KATNIP: variants seen among roughly 807,000 people sequenced by gnomAD.
KATNIP encodes the protein katanin-interacting protein.
Under a neutral mutation model 174.0 loss-of-function variants are expected in KATNIP, and 126 were observed. That is an observed-to-expected ratio of 0.72 (90% CI 0.63 to 0.84). The LOEUF is 0.84. Among genes scored for constraint, KATNIP ranks in the 40% least tolerant of loss-of-function variants. The probability of loss-of-function intolerance (pLI) is 0.00; values close to 1 mark genes in which losing one functional copy is unlikely to be tolerated. For synonymous variants in KATNIP, 810 were observed against 835.7 expected (o/e 0.97, Z 0.53); for missense variants, 1,958 against 2,109.7 (o/e 0.93, Z 1.41).
chr16:27,601,702 A>T (rs1028446947), intron 2 of KATNIP, among the ~76,000 whole-genome samples: 1 of 152,068 alleles, frequency 6.6e-6, no homozygotes, highest in Non-Finnish European at 1.5e-5. Flanking sequence ...GCGAGGCCAG[A>T]TTACACTTGT....
chr16:27,753,118 G>A (rs769114150), intron 17 of KATNIP, among the ~76,000 whole-genome samples: 4 of 152,148 alleles, frequency 2.6e-5, no homozygotes, highest in Non-Finnish European at 5.9e-5. Flanking sequence ...GGCACAGGCA[G>A]CTGGGGAGTG....
intron 10 of KATNIP, among the ~76,000 whole-genome samples, chr16:27,701,218 C>T (rs544701942): frequency 2.2e-4 from 33 of 152,094 alleles, no homozygotes; most frequent in African/African-American, 8.0e-4. Flanking sequence ...AGTGCAGTGG[C>T]ATGACCATAG....
intron 2 of KATNIP, among the ~76,000 whole-genome samples, chr16:27,586,615 G>T: frequency 6.6e-6 from 1 of 151,960 alleles, no homozygotes. Flanking sequence ...GATCACTTGA[G>T]CCCAGGAGTT....
rs564676521 is a variant in KATNIP, at chr16:27,741,700, C to T, written c.2623+780C>T. On this transcript the variant is annotated intron_variant, in intron 15 of 27. Coordinates refer to ENST00000261588, the MANE Select transcript of KATNIP (RefSeq NM_015202.5). ...GGCAGATAACCTGAGGCCAGGAGTT[C>T]GAGACCAGCCTGGCCAACATGGTAA... 8.3e-3 allele frequency among the ~76,000 whole-genome samples: 1,268 copies of T among 152,222 alleles called. 5 individuals are homozygous for T. The highest frequency in any genetic ancestry group is 0.013 in the Non-Finnish European group (868 of 68,010).
rs886280954 is a variant in KATNIP at position 27,698,426 on chromosome 16, A to G, written c.1039A>G (p.Ile347Val). 3 of 1,613,578 alleles carry G rather than the reference A, an allele frequency of 1.9e-6. No homozygotes were observed. In the African/African-American group the frequency reaches 4.0e-5, roughly 22 times the overall value. ...EEDASAVLQA[I>V]QVENAALQRA... ...AGATGCCTCTGCTGTGCTCCAAGCC[A>G]TCCAGGTGGAGAACGCAGCCCTGCA... Residue 347 changes from isoleucine (I) to valine (V), a missense_variant, in exon 9 of 28, where the codon ATC becomes GTC. Physicochemically the swap from Ile to Val is conservative, Grantham distance 29 (BLOSUM62 3). Transcript: ENST00000261588.
At chr16:27,640,601 C>T (rs1215066924) in intron 5 of KATNIP, among the ~76,000 whole-genome samples, 1 of 152,142 alleles carries the variant, frequency 6.6e-6, no homozygotes, top group East Asian at 1.9e-4. Context: ...TTAATTTTGT[C>T]ACATGTTGCT....
chr16:27,587,311 C>T (rs1274761530), intron 2 of KATNIP, among the ~76,000 whole-genome samples: 1 of 152,198 alleles, frequency 6.6e-6, no homozygotes, highest in Non-Finnish European at 1.5e-5. Context: ...CACCGTGTTC[C>T]ATCAGCTGGA....
At position 27,740,831 on chromosome 16, in the gene KATNIP, C is replaced by A. The variant is rs552731889; in HGVS notation, c.2534C>A (p.Pro845His). ...GACTCAGACATCTTTAACCAGCCCC[C>A]CAACAGAGAGCGCCCTGCTAGTGGG... ...SDDSDIFNQP[P>H]NRERPASGRR... is the part of the protein sequence containing the mutation. Residue 845 changes from proline (P) to histidine (H), a missense_variant, in exon 15 of 28, where the codon CCC (proline) becomes CAC (histidine). By Grantham distance (77) the Pro-to-His change is moderately conservative. This residue lies in a region of KATNIP where 1,557 missense variants were observed against 1,617.8 expected (regional missense o/e 0.96). Coordinates refer to ENST00000261588, the MANE Select transcript of KATNIP (RefSeq NM_015202.5). The A allele has an allele frequency of 2.5e-6, 4 of 1,613,690 alleles. No homozygotes were observed. The highest frequency in any genetic ancestry group is 1.7e-5 in the Admixed American group (1 of 59,956).
chr16:27,753,449 G>T (rs1321789185), intron 17 of KATNIP, among the ~76,000 whole-genome samples: 3 of 152,150 alleles, frequency 2.0e-5, no homozygotes, highest in Non-Finnish European at 4.4e-5. Context: ...GGGCTGGGGG[G>T]ATCACTCTCT....
chr16:27,553,780 G>C (rs1318823588), intron 1 of KATNIP, among the ~76,000 whole-genome samples: 1 of 152,092 alleles, frequency 6.6e-6, no homozygotes, highest in Non-Finnish European at 1.5e-5. Context: ...AGACCAGCCT[G>C]GGCAACTTAG....
At chr16:27,629,279 G>A (rs950120486) in intron 4 of KATNIP, among the ~76,000 whole-genome samples, 1 of 152,004 alleles carries the variant, frequency 6.6e-6, no homozygotes, top group East Asian at 1.9e-4. Flanking sequence ...ATGAGAAAGA[G>A]AAATCCTGTT....
intron 1 of KATNIP, among the ~76,000 whole-genome samples, chr16:27,565,718 A>C (rs2090060883): frequency 6.6e-6 from 1 of 151,640 alleles, no homozygotes; most frequent in Admixed American, 6.6e-5. Context: ...CAGGAGTTTG[A>C]GACTGCAGTG....
At chr16:27,683,310 A>G (rs550790733) in intron 8 of KATNIP, among the ~76,000 whole-genome samples, 4 of 152,304 alleles carry the variant, frequency 2.6e-5, no homozygotes, top group African/African-American at 9.6e-5. Context: ...CCTTCAAAGT[A>G]CCACAATCAG....
intron 5 of KATNIP, among the ~76,000 whole-genome samples, chr16:27,643,590 C>CAAA (rs562253355): frequency 0.097 from 3,937 of 40,424 alleles, 1,204 homozygotes; most frequent in African/African-American, 0.16. Flanking sequence ...GACTCTGTCT[C>CAAA]AAAAAAAAAA....
intron 6 of KATNIP, among the ~76,000 whole-genome samples, chr16:27,651,449 C>T (rs954943840): frequency 4.0e-5 from 6 of 151,502 alleles, no homozygotes; most frequent in South Asian, 2.1e-4. Flanking sequence ...AAAAAAGGCA[C>T]GTGGCTAAAT....
intron 2 of KATNIP, among the ~76,000 whole-genome samples, chr16:27,588,425 C>T (rs372106546): frequency 6.6e-6 from 1 of 152,012 alleles, no homozygotes; most frequent in Admixed American, 6.6e-5. Flanking sequence ...CACATGTCCC[C>T]TCCCAGTTAA....
intron 1 of KATNIP, among the ~76,000 whole-genome samples, chr16:27,559,922 A>C (rs918852576): frequency 6.6e-6 from 1 of 152,118 alleles, no homozygotes; most frequent in Non-Finnish European, 1.5e-5. Context: ...CAAAGGTTGC[A>C]GTGAGCCTAG....
chr16:27,552,851 C>T (rs1179987601), intron 1 of KATNIP, among the ~76,000 whole-genome samples: 2 of 152,056 alleles, frequency 1.3e-5, no homozygotes, highest in Non-Finnish European at 2.9e-5. Context: ...TGTGCCACCA[C>T]GCTCAGCTAA....
intron 6 of KATNIP, among the ~76,000 whole-genome samples, chr16:27,654,391 A>C (rs572507710): frequency 2.0e-5 from 3 of 152,134 alleles, no homozygotes; most frequent in Non-Finnish European, 2.9e-5. Context: ...TGGTGGCCTG[A>C]GTTTGGATCC....
Sources: gnomAD v4.1 joint callset for allele counts (sites outside exome capture counted in the v4.1 genomes callset) on GRCh38, gnomAD v4.1.1 for gene constraint, gnomAD v4.1.1 regional missense constraint, MANE v1.5 for transcripts, NCBI Gene and HGNC (gene_info 2026-07-23, HGNC 2026-07-21) for gene names.